Variants in SLC8A1 observed in about 807,000 individuals in gnomAD.
SLC8A1 encodes sodium/calcium exchanger 1.
In SLC8A1, 18 loss-of-function variants were observed where a neutral mutation model predicts 68.3. The ratio of observed to expected loss-of-function variants is 0.26; its 90% CI spans 0.18 to 0.39. The LOEUF is 0.39. SLC8A1 is among the 10% of genes least tolerant of loss of function. The pLI is 1.00. For synonymous variants in SLC8A1, 475 were observed against 415.5 expected (o/e 1.14, Z -1.74); for missense variants, 985 against 1,156.7 (o/e 0.85, Z 2.15).
intron 2 of SLC8A1, among the ~76,000 whole-genome samples, chr2:40,366,336 A>G (rs970307260): frequency 1.3e-5 from 2 of 152,120 alleles, no homozygotes; most frequent in African/African-American, 4.8e-5. Flanking sequence ...TTATTGTGGT[A>G]TATGTTAAAT....
chr2:40,301,211 T>C (rs1232815268), intron 2 of SLC8A1, among the ~76,000 whole-genome samples: 1 of 152,212 alleles, frequency 6.6e-6, no homozygotes, highest in Non-Finnish European at 1.5e-5. Flanking sequence ...CTAAGTGCTC[T>C]ATATGTATTA....
intron 2 of SLC8A1, among the ~76,000 whole-genome samples, chr2:40,267,204 G>A (rs1044255654): frequency 6.6e-6 from 1 of 152,254 alleles, no homozygotes; most frequent in African/African-American, 2.4e-5. Context: ...TGTATTAGCA[G>A]GATCCTGGAT....
intron 2 of SLC8A1, among the ~76,000 whole-genome samples, chr2:40,302,675 G>C (rs1338474966): frequency 6.6e-6 from 1 of 151,780 alleles, no homozygotes; most frequent in Non-Finnish European, 1.5e-5. Flanking sequence ...TGTTTTTGCA[G>C]TTGCAAATTG....
At chr2:40,235,489 T>C (rs1458126273) in intron 2 of SLC8A1, among the ~76,000 whole-genome samples, 1 of 152,174 alleles carries the variant, frequency 6.6e-6, no homozygotes, top group Non-Finnish European at 1.5e-5. Context: ...GTCTTCTCTC[T>C]TTTTTTCTTT....
chr2:40,323,774 T>C (rs1044388564), intron 2 of SLC8A1, among the ~76,000 whole-genome samples: 2 of 152,074 alleles, frequency 1.3e-5, no homozygotes, highest in African/African-American at 4.8e-5. Context: ...TGCTGAGATT[T>C]AGAAATATTT....
chr2:40,136,143 CT>C (rs1442828505), intron 7 of SLC8A1, among the ~76,000 whole-genome samples: 1 of 152,122 alleles, frequency 6.6e-6, no homozygotes, highest in African/African-American at 2.4e-5. Flanking sequence ...TGGGAAGAGG[CT>C]ACTTGGGAAG....
At chr2:40,300,163 A>T (rs564407509) in intron 2 of SLC8A1, among the ~76,000 whole-genome samples, 1 of 152,306 alleles carries the variant, frequency 6.6e-6, no homozygotes, top group African/African-American at 2.4e-5. Context: ...GGTGACAAAA[A>T]TAAAAATAAA....
intron 2 of SLC8A1, 64 bp from the exon 3 acceptor site, chr2:40,178,557 GA>G (rs1174651462): frequency 1.5e-6 from 2 of 1,369,432 alleles, no homozygotes; most frequent in Non-Finnish European, 2.1e-6. Context: ...GGAACATAGA[GA>G]AGAGGAAAGC....
exon 5 of SLC8A1, chr2:40,164,934 G>C (rs752904012): frequency 6.2e-7 from 1 of 1,613,756 alleles, no homozygotes; most frequent in African/African-American, 1.3e-5. Flanking sequence ...TCTGCAATGC[G>C]CCTCTCCTCT....
chr2:40,300,301 A>G lies in SLC8A1; in HGVS notation c.1809-122446T>C, dbSNP rs565411668. Among the ~76,000 whole-genome samples, 9 of 152,328 alleles carry G rather than the reference A, an allele frequency of 5.9e-5. No individual in the cohort carries two copies. In the East Asian group the frequency reaches 1.2e-3, roughly 20 times the overall value. ...GCAATCCTATAAAGTCATTCTTGTT[A>G]TCACACCCATCTGACAGATGAGAAA... On this transcript the variant is annotated intron_variant, in intron 2 of 7. Transcript: ENST00000406785.
chr2:40,456,789 A>G (rs1358512830), upstream of SLC8A1, among the ~76,000 whole-genome samples: 1 of 152,180 alleles, frequency 6.6e-6, no homozygotes, highest in African/African-American at 2.4e-5. Context: ...TTTCTATATA[A>G]TTAGATTCTA....
At chr2:40,429,338 T>C (rs200039258) in exon 2 of SLC8A1, 1 of 1,613,878 alleles carries the variant, frequency 6.2e-7, no homozygotes, top group East Asian at 2.2e-5. Flanking sequence ...TCTTGGTCCC[T>C]CTCATCCACC....
chr2:40,406,415 CTTAT>C (rs1335296657), intron 2 of SLC8A1, among the ~76,000 whole-genome samples: 2 of 152,106 alleles, frequency 1.3e-5, no homozygotes, highest in Non-Finnish European at 2.9e-5. Flanking sequence ...AACATGATTA[CTTAT>C]TTATTGTATA....
At chr2:40,225,970 C>T (rs926939792) in intron 2 of SLC8A1, among the ~76,000 whole-genome samples, 2 of 152,186 alleles carry the variant, frequency 1.3e-5, no homozygotes, top group Admixed American at 1.3e-4. Context: ...GTGAGCTCCA[C>T]TAGCTTAGCA....
intron 2 of SLC8A1, among the ~76,000 whole-genome samples, chr2:40,237,423 A>T (rs1251542915): frequency 6.6e-6 from 1 of 151,944 alleles, no homozygotes; most frequent in African/African-American, 2.4e-5. Flanking sequence ...TGCATTCTTC[A>T]CGTAGTTCTT....
At chr2:40,498,318 TG>T (rs1376916941) in intron 1 of SLC8A1, among the ~76,000 whole-genome samples, 1 of 152,124 alleles carries the variant, frequency 6.6e-6, no homozygotes, top group Non-Finnish European at 1.5e-5. Context: ...GCTCCAAATT[TG>T]TTCAGACATT....
intron 2 of SLC8A1, among the ~76,000 whole-genome samples, chr2:40,359,560 T>G (rs1259209965): frequency 6.6e-6 from 1 of 152,094 alleles, no homozygotes; most frequent in Admixed American, 6.6e-5. Flanking sequence ...AAATGATCTG[T>G]GTACTGCATT....
intron 2 of SLC8A1, among the ~76,000 whole-genome samples, chr2:40,185,874 A>T (rs2050606418): frequency 6.6e-6 from 1 of 152,186 alleles, no homozygotes; most frequent in Non-Finnish European, 1.5e-5. Context: ...AGTTTTCAGT[A>T]AGGAGTTTCA....
chr2:40,185,475 A>G (rs1393751240), intron 2 of SLC8A1, among the ~76,000 whole-genome samples: 1 of 152,186 alleles, frequency 6.6e-6, no homozygotes. Context: ...ATTCTAAGTG[A>G]AAGAACCCAG....
Sources: gnomAD v4.1 joint callset for allele counts (sites outside exome capture counted in the v4.1 genomes callset) on GRCh38, gnomAD v4.1.1 for gene constraint, MANE v1.5 for transcripts, NCBI Gene and HGNC (gene_info 2026-07-23, HGNC 2026-07-21) for gene names.